Variants in PAPOLG observed in about 807,000 individuals in gnomAD.
PAPOLG encodes poly(A) polymerase gamma.
A neutral mutation model predicts 99.0 loss-of-function variants in PAPOLG; 40 were observed. The observed-to-expected ratio is 0.40, with a 90% confidence interval of 0.31 to 0.53. The LOEUF (loss-of-function observed/expected upper bound fraction) is 0.53. PAPOLG is among the 20% of genes least tolerant of loss of function. The pLI is 0.41. For missense variants in PAPOLG, 675 were observed against 884.1 expected (o/e 0.76, Z 3.00); for synonymous variants, 310 against 299.3 (o/e 1.04, Z -0.37).
intron 10 of PAPOLG, 35 bp from the exon 11 acceptor site, chr2:60,781,850 A>G (rs369667152): frequency 2.5e-6 from 4 of 1,612,104 alleles, no homozygotes; most frequent in Admixed American, 1.7e-5. Flanking sequence ...CTGAAATAGG[A>G]GAATAGATCA....
At chr2:60,774,378 T>C (rs1670949627) in intron 7 of PAPOLG, among the ~76,000 whole-genome samples, 1 of 150,994 alleles carries the variant, frequency 6.6e-6, no homozygotes, top group Admixed American at 6.6e-5. Context: ...CTTTTTTTTT[T>C]TTTTTGAGAC....
chr2:60,761,704 G>GT, intron 2 of PAPOLG, 37 bp from the exon 3 acceptor site: 1 of 1,540,544 alleles, frequency 6.5e-7, no homozygotes, highest in Non-Finnish European at 8.9e-7. Flanking sequence ...TTGTTCATTT[G>GT]TTTGTTTGTT....
chr2:60,792,560 T>C (rs1671572784), intron 17 of PAPOLG, among the ~76,000 whole-genome samples: 6 of 152,138 alleles, frequency 3.9e-5, no homozygotes, highest in Admixed American at 3.3e-4. Flanking sequence ...TCTGCATTTT[T>C]CCCCCTTTTA....
At chr2:60,793,781 C>G in intron 18 of PAPOLG, 66 bp downstream of exon 18, 5 of 1,534,356 alleles carry the variant, frequency 3.3e-6, no homozygotes, top group East Asian at 2.5e-5. Flanking sequence ...CATGGTGGCA[C>G]ACGCCTGTAG....
intron 17 of PAPOLG, among the ~76,000 whole-genome samples, chr2:60,793,051 A>G (rs978749776): frequency 2.0e-5 from 3 of 151,964 alleles, no homozygotes; most frequent in African/African-American, 7.3e-5. Flanking sequence ...AAACAAAAAC[A>G]AAAATTAGCT....
Position 60,756,386 on chromosome 2 carries a change from C to T in PAPOLG, c.-93C>T, listed in dbSNP as rs1670339385. On this transcript the variant is annotated 5_prime_UTR_variant, in exon 1 of 22. Transcript: ENST00000238714. ...AGTGAGCGAGCAAGCGAGCTACTAG[C>T]GACCGGAGGAAAGTGAACAGGGGGA... 6.5e-7 allele frequency: 1 copy of T among 1,547,950 alleles called. No homozygotes were observed. The highest frequency in any genetic ancestry group is 8.9e-7 in the Non-Finnish European group (1 of 1,120,880).
intron 1 of PAPOLG, among the ~76,000 whole-genome samples, chr2:60,759,440 A>G (rs1670457988): frequency 6.6e-6 from 1 of 152,172 alleles, no homozygotes; most frequent in South Asian, 2.1e-4. Context: ...TTGATGGCTA[A>G]GATGTTTGGA....
chr2:60,775,408 G>A (rs1670986500), intron 8 of PAPOLG, among the ~76,000 whole-genome samples: 1 of 152,132 alleles, frequency 6.6e-6, no homozygotes, highest in Admixed American at 6.5e-5. Context: ...CCTCCCTGTG[G>A]GTAACACCAT....
Position 60,797,110 on chromosome 2 carries a change from A to G in PAPOLG, c.2161A>G (p.Asn721Asp). Residue 721 changes from asparagine to aspartate, a missense_variant, in exon 22 of 22, where the codon AAC (asparagine) becomes GAC (aspartate). Physicochemically the swap from Asn to Asp is conservative, Grantham distance 23 (BLOSUM62 1). Transcript: ENST00000238714. ...AGATTCATCATCTCCAGTTCCAGCA[A>G]ACAACATCCGTGTCATCAAAAATTC... The part of the protein sequence containing the change: ...LPDSSSPVPA[N>D]NIRVIKNSIR... 6.2e-7 allele frequency: 1 copy of G among 1,614,096 alleles called. No homozygotes were observed. Among genetic ancestry groups the G allele is most frequent in the East Asian group, 2.2e-5 (1 of 44,878 alleles).
chr2:60,767,190 A>G (rs1166773762), intron 3 of PAPOLG, among the ~76,000 whole-genome samples: 1 of 151,996 alleles, frequency 6.6e-6, no homozygotes, highest in African/African-American at 2.4e-5. Context: ...AAAATAGAGA[A>G]CTCAGAAGCA....
rs146561541 is a variant in PAPOLG at position 60,772,395 on chromosome 2, C to T, written c.604+765C>T. 1.2e-3 allele frequency among the ~76,000 whole-genome samples: 178 copies of T among 149,190 alleles called. 7 individuals are homozygous for T. In the East Asian group the frequency reaches 0.03, roughly 25 times the overall value. On this transcript the variant is annotated intron_variant, in intron 7 of 21. Coordinates refer to ENST00000238714, the MANE Select transcript of PAPOLG (RefSeq NM_022894.4). ...CCCCGAGGTGGAGGCTGCAGTGAGC[C>T]GTGATTACGCCACTGCACTCTAGCT...
At position 60,760,027 on chromosome 2, in the gene PAPOLG, A is replaced by T. The variant is rs529625797; in HGVS notation, c.18-107A>T. On this transcript the variant is annotated intron_variant, in intron 1 of 21. Transcript: ENST00000238714. ...TCTGCCACTACTGTTATTACTAAGT[A>T]AACTTTTAAGGTAGCTAAATTAACA... 6.0e-6 allele frequency: 7 copies of T among 1,167,196 alleles called. No individual in the cohort carries two copies. In the South Asian group the frequency reaches 1.0e-4, roughly 17 times the overall value. The allele number at this position is 1,167,196 out of a possible 1,614,324, so 72.3% of individuals were successfully genotyped here. A position where few individuals can be genotyped will look rare whatever the true frequency, so the allele number is the denominator to read the frequency against.
At chr2:60,773,306 A>AT (rs1670912407) in intron 7 of PAPOLG, among the ~76,000 whole-genome samples, 1 of 152,142 alleles carries the variant, frequency 6.6e-6, no homozygotes. Flanking sequence ...ATTTGCAGTC[A>AT]TTTCCCCTTC....
At chr2:60,796,259 C>T (rs888263509) in intron 21 of PAPOLG, among the ~76,000 whole-genome samples, 1 of 141,974 alleles carries the variant, frequency 7.0e-6, no homozygotes, top group Admixed American at 7.3e-5. Flanking sequence ...GCTCTGTAGC[C>T]CAGGTTGGAG....
At chr2:60,767,596 A>G (rs887239107) in intron 3 of PAPOLG, among the ~76,000 whole-genome samples, 1 of 152,170 alleles carries the variant, frequency 6.6e-6, no homozygotes, top group African/African-American at 2.4e-5. Context: ...ACGCCCAGCC[A>G]AAAAGTAGCA....
At chr2:60,757,621 A>G in intron 1 of PAPOLG, among the ~76,000 whole-genome samples, 1 of 152,254 alleles carries the variant, frequency 6.6e-6, no homozygotes, top group Non-Finnish European at 1.5e-5. Flanking sequence ...ATTAATTAAT[A>G]TTAATTATTG....
At chr2:60,790,335 T>G (rs10171532) in intron 15 of PAPOLG, among the ~76,000 whole-genome samples, 52,206 of 152,046 alleles carry the variant, frequency 0.34, 9,480 homozygotes, top group African/African-American at 0.45. Context: ...TTTTTCAGAT[T>G]AAGAAACTTG....
intron 15 of PAPOLG, among the ~76,000 whole-genome samples, chr2:60,791,220 A>C (rs1010634056): frequency 3.9e-5 from 6 of 152,360 alleles, no homozygotes; most frequent in African/African-American, 1.4e-4. Flanking sequence ...ACAAGGTTTG[A>C]TTATGAGAAA....
chr2:60,794,817 G>T (rs754514657), intron 20 of PAPOLG, 42 bp downstream of exon 20: 1 of 1,557,014 alleles, frequency 6.4e-7, no homozygotes, highest in Non-Finnish European at 8.8e-7. Flanking sequence ...TTATTGTAAA[G>T]CGCCATGTAT....
Sources: gnomAD v4.1 joint callset for allele counts (sites outside exome capture counted in the v4.1 genomes callset) on GRCh38, gnomAD v4.1.1 for gene constraint, MANE v1.5 for transcripts, NCBI Gene and HGNC (gene_info 2026-07-23, HGNC 2026-07-21) for gene names.